The following IGF2BP3 variants were observed in gnomAD, a reference collection of about 807,000 sequenced individuals.
The protein encoded by IGF2BP3 is insulin-like growth factor 2 mRNA-binding protein 3.
A neutral mutation model predicts 73.8 loss-of-function variants in IGF2BP3; 9 were observed. That is an observed-to-expected ratio of 0.12 (90% confidence interval 0.07 to 0.21). The LOEUF is 0.21. Among genes scored for constraint, IGF2BP3 ranks in the 10% least tolerant of loss-of-function variants. IGF2BP3 has a pLI of 1.00. For missense variants in IGF2BP3, 542 were observed against 714.0 expected (o/e 0.76, Z 2.75); for synonymous variants, 258 against 256.7 (o/e 1.01, Z -0.05).
At chr7:23,454,297 T>C (rs1266719700) in intron 2 of IGF2BP3, among the ~76,000 whole-genome samples, 1 of 152,224 alleles carries the variant, frequency 6.6e-6, no homozygotes, top group Non-Finnish European at 1.5e-5. Flanking sequence ...AAACACATTT[T>C]AGGGATTCTA....
In IGF2BP3 at chr7:23,382,869, G is replaced by A. The variant is rs1166257934; in HGVS notation, c.286-21128C>T. On this transcript the variant is annotated intron_variant, in intron 3 of 14. Transcript: ENST00000258729. The stretch of plus-strand genomic sequence containing the variant: ...GCCTAGGAGTTTGAGACCATCCTGG[G>A]CAATACAGAAAAACCTAGCTCTACC... Among the ~76,000 whole-genome samples, 13 of 86,810 alleles carry A rather than the reference G, an allele frequency of 1.5e-4. No individual in the cohort carries two copies. The Admixed American group carries it at 2.1e-3, about 14-fold the overall frequency. The allele number at this position is 86,810 out of a possible 152,430, so 57.0% of individuals were successfully genotyped here.
chr7:23,326,872 A>T (rs1269759218), intron 10 of IGF2BP3, among the ~76,000 whole-genome samples: 125 of 137,726 alleles, frequency 9.1e-4, no homozygotes, highest in Non-Finnish European at 1.6e-3. Flanking sequence ...AACAATGAGA[A>T]CACATGGACA....
At chr7:23,390,739 G>A (rs542058414) in intron 3 of IGF2BP3, among the ~76,000 whole-genome samples, 11 of 151,218 alleles carry the variant, frequency 7.3e-5, no homozygotes, top group South Asian at 2.1e-4. Flanking sequence ...TACAACTTTC[G>A]TTTTTGAAAA....
intron 7 of IGF2BP3, among the ~76,000 whole-genome samples, chr7:23,347,311 T>G (rs1784852892): frequency 6.6e-6 from 1 of 152,216 alleles, no homozygotes; most frequent in South Asian, 2.1e-4. Flanking sequence ...GCTCCTGTTT[T>G]GGGTTAATCC....
Position 23,310,989 on chromosome 7 carries a change from A to C in IGF2BP3, c.*1373T>G, listed in dbSNP as rs754271663. ...TCGTTATCAAAGGTCATATGTTTTCACAGTCATTCAAATTATATCCCAAAA... is the reference window on the plus strand; with the variant it reads ...TCGTTATCAAAGGTCATATGTTTTCCCAGTCATTCAAATTATATCCCAAAA... On this transcript the variant is annotated 3_prime_UTR_variant, in exon 15 of 15. Transcript: ENST00000258729. 1.3e-5 allele frequency: 2 copies of C among 152,164 alleles called. No individual in the cohort carries two copies. The highest frequency in any genetic ancestry group is 2.4e-5 in the African/African-American group (1 of 41,452). The allele number at this position is 152,164 out of a possible 1,614,324, so 9.4% of individuals were successfully genotyped here.
intron 2 of IGF2BP3, among the ~76,000 whole-genome samples, chr7:23,437,646 C>G (rs751993556): frequency 3.9e-5 from 6 of 152,182 alleles, no homozygotes; most frequent in African/African-American, 7.2e-5. Flanking sequence ...GTTACATCTT[C>G]TAGCCAGCAA....
chr7:23,330,615 G>A (rs1583893734), intron 10 of IGF2BP3, among the ~76,000 whole-genome samples: 1 of 152,156 alleles, frequency 6.6e-6, no homozygotes. Flanking sequence ...TGAAGATTAA[G>A]AACTGAAAGC....
At position 23,435,468 on chromosome 7, in the gene IGF2BP3, C is replaced by A. The variant is rs557294316; in HGVS notation, c.237-16644G>T. On this transcript the variant is annotated intron_variant, in intron 2 of 14. Transcript: ENST00000258729. ...TCTAAAGTTTTTTTTTTTTTCTTTTCTTTGAGACGGAGTCTCGCTCTGTCG... is the reference window on the plus strand; with the variant it reads ...TCTAAAGTTTTTTTTTTTTTCTTTTATTTGAGACGGAGTCTCGCTCTGTCG... 5.1e-4 allele frequency among the ~76,000 whole-genome samples: 74 copies of A among 146,040 alleles called. 2 individuals are homozygous for A. The East Asian group carries it at 8.8e-3, about 17-fold the overall frequency.
At chr7:23,422,962 A>C (rs1459168059) in intron 2 of IGF2BP3, among the ~76,000 whole-genome samples, 1 of 152,132 alleles carries the variant, frequency 6.6e-6, no homozygotes, top group African/African-American at 2.4e-5. Flanking sequence ...TTTAGTAAAG[A>C]TAGAGTTTCA....
rs895925264 is a variant in IGF2BP3, at chr7:23,312,123, C to A, written c.*239G>T. On this transcript the variant is annotated 3_prime_UTR_variant, in exon 15 of 15. Transcript: ENST00000258729. ...AGCTCTTCTCTTTCCCTCCCTCCCC[C>A]ACCCTTTTTTTGTTTGTTTGTTTGT... 1.6e-5 allele frequency: 7 copies of A among 441,532 alleles called. No homozygotes were observed. Among genetic ancestry groups the A allele is most frequent in the African/African-American group, 1.2e-4 (6 of 48,088 alleles). The allele number at this position is 441,532 out of a possible 1,614,324, so 27.4% of individuals were successfully genotyped here. A position where few individuals can be genotyped will look rare whatever the true frequency, so the allele number is the denominator to read the frequency against.
chr7:23,317,880 T>G (rs1784034164), intron 11 of IGF2BP3, 167 bp from the exon 12 acceptor site: 2 of 641,570 alleles, frequency 3.1e-6, no homozygotes, highest in South Asian at 3.5e-5. Flanking sequence ...AATTTAGGCC[T>G]CCCTCCTGCA....
Position 23,451,746 on chromosome 7 carries a change from C to T in IGF2BP3, c.236+16736G>A, listed in dbSNP as rs559806005. Among the ~76,000 whole-genome samples the T allele has an allele frequency of 9.2e-5, 14 of 151,802 alleles. 1 individual carries two copies. Among genetic ancestry groups the T allele is most frequent in the Admixed American group, 7.2e-4 (11 of 15,250 alleles). On this transcript the variant is annotated intron_variant, in intron 2 of 14. Transcript: ENST00000258729. ...AGCAGATCATTTGAGGTCAGGAGCT[C>T]GAGACCAGCCTGGCCAACGTAGTGA... is the stretch of plus-strand genomic sequence containing the variant.
At chr7:23,394,844 C>T (rs1248752203) in intron 3 of IGF2BP3, among the ~76,000 whole-genome samples, 4 of 152,170 alleles carry the variant, frequency 2.6e-5, no homozygotes, top group Admixed American at 6.5e-5. Context: ...ACAATGAAGC[C>T]ATGTCCTTTA....
chr7:23,442,443 G>C (rs1787958939), intron 2 of IGF2BP3, among the ~76,000 whole-genome samples: 2 of 152,068 alleles, frequency 1.3e-5, no homozygotes, highest in South Asian at 4.1e-4. Context: ...TGTCACCCAG[G>C]CTGGAGTACA....
chr7:23,345,276 G>C (rs1784802365), intron 8 of IGF2BP3, among the ~76,000 whole-genome samples: 1 of 152,238 alleles, frequency 6.6e-6, no homozygotes, highest in South Asian at 2.1e-4. Flanking sequence ...CCTCCAAGGT[G>C]ATTCCTGTCA....
intron 3 of IGF2BP3, chr7:23,402,676 T>C (rs184071908): frequency 6.6e-6 from 1 of 152,328 alleles, no homozygotes; most frequent in Non-Finnish European, 1.5e-5. Context: ...CAAATTTTTA[T>C]AGCAGACTGA....
At chr7:23,407,312 GA>G (rs1357095069) in intron 3 of IGF2BP3, among the ~76,000 whole-genome samples, 231 of 134,748 alleles carry the variant, frequency 1.7e-3, no homozygotes, top group East Asian at 3.9e-3. Context: ...TTGAGCATAA[GA>G]AAAAAAAAAA....
intron 3 of IGF2BP3, among the ~76,000 whole-genome samples, chr7:23,417,084 A>G (rs1374834059): frequency 6.6e-6 from 1 of 152,112 alleles, no homozygotes; most frequent in African/African-American, 2.4e-5. Context: ...ACAAACAAAA[A>G]CATACAAAGT....
At chr7:23,411,982 CTCTT>C (rs1787037180) in intron 3 of IGF2BP3, among the ~76,000 whole-genome samples, 1 of 137,512 alleles carries the variant, frequency 7.3e-6, no homozygotes, top group Non-Finnish European at 1.5e-5. Flanking sequence ...CCACTTATTT[CTCTT>C]TTTTTTTTTT....
Sources: allele counts gnomAD v4.1 joint callset (sites outside exome capture counted in the v4.1 genomes callset), GRCh38; gene constraint gnomAD v4.1.1; transcripts MANE v1.5; gene names NCBI Gene and HGNC (gene_info 2026-07-23, HGNC 2026-07-21).